PTPRD: variants seen among roughly 807,000 people sequenced by gnomAD.
PTPRD encodes the protein receptor-type tyrosine-protein phosphatase delta.
PTPRD carries 34 observed loss-of-function variants against 214.5 expected under a neutral mutation model. The ratio of observed to expected loss-of-function variants is 0.16; its 90% CI spans 0.12 to 0.21. PTPRD has a LOEUF of 0.21. Among genes scored for constraint, PTPRD ranks in the 10% least tolerant of loss-of-function variants. PTPRD has a pLI of 1.00. For missense variants in PTPRD, 2,545 were observed against 2,398.7 expected (o/e 1.06, Z -1.27); for synonymous variants, 1,128 against 845.7 (o/e 1.33, Z -5.79).
At chr9:8,398,585 G>A (rs1329751498) in intron 36 of PTPRD, among the ~76,000 whole-genome samples, 1 of 152,194 alleles carries the variant, frequency 6.6e-6, no homozygotes, top group Non-Finnish European at 1.5e-5. Flanking sequence ...ACTGAGAGGT[G>A]AGGTCTTAGG....
At chr9:9,237,288 G>A (rs974781493) in intron 9 of PTPRD, among the ~76,000 whole-genome samples, 3 of 151,982 alleles carry the variant, frequency 2.0e-5, no homozygotes, top group Admixed American at 6.6e-5. Flanking sequence ...ACCTTACCTG[G>A]GCATGATGGC....
intron 8 of PTPRD, among the ~76,000 whole-genome samples, chr9:9,550,332 C>T (rs1370909254): frequency 2.0e-5 from 3 of 151,114 alleles, no homozygotes; most frequent in African/African-American, 7.3e-5. Flanking sequence ...TATAATCTCT[C>T]TCCCTCTCTC....
intron 10 of PTPRD, among the ~76,000 whole-genome samples, chr9:9,021,267 A>C (rs952461889): frequency 2.0e-5 from 3 of 152,196 alleles, no homozygotes; most frequent in African/African-American, 7.2e-5. Context: ...TCGTAAGCTT[A>C]TAACAGAGCT....
intron 11 of PTPRD, among the ~76,000 whole-genome samples, chr9:8,929,039 G>C (rs1471116480): frequency 6.6e-6 from 1 of 152,112 alleles, no homozygotes; most frequent in Non-Finnish European, 1.5e-5. Context: ...TGTTGATTTT[G>C]TATCCTGAGA....
At chr9:9,748,451 G>C (rs1408444921) in intron 6 of PTPRD, among the ~76,000 whole-genome samples, 1 of 152,062 alleles carries the variant, frequency 6.6e-6, no homozygotes, top group African/African-American at 2.4e-5. Context: ...TCAAAATAAA[G>C]ACGAAAAAAG....
chr9:10,433,940 A>C (rs578177590), intron 2 of PTPRD, among the ~76,000 whole-genome samples: 1 of 152,052 alleles, frequency 6.6e-6, no homozygotes, highest in African/African-American at 2.4e-5. Flanking sequence ...TTGGTAATGT[A>C]ATAAATCAAT....
intron 2 of PTPRD, among the ~76,000 whole-genome samples, chr9:10,553,605 T>C (rs1214397475): frequency 6.6e-6 from 1 of 152,174 alleles, no homozygotes; most frequent in Non-Finnish European, 1.5e-5. Flanking sequence ...CTGAGTTTCA[T>C]CTGGCTTTAT....
intron 10 of PTPRD, among the ~76,000 whole-genome samples, chr9:9,031,473 T>C (rs2099605248): frequency 6.6e-6 from 1 of 152,038 alleles, no homozygotes; most frequent in Admixed American, 6.6e-5. Context: ...TTGAATACTG[T>C]AGTCAATTGT....
intron 5 of PTPRD, among the ~76,000 whole-genome samples, chr9:9,878,415 A>C (rs1167192419): frequency 6.6e-6 from 1 of 152,158 alleles, no homozygotes; most frequent in Non-Finnish European, 1.5e-5. Flanking sequence ...CAGCATACTG[A>C]GGGGACACCT....
chr9:9,113,540 C>T (rs2154455044), intron 10 of PTPRD, among the ~76,000 whole-genome samples: 1 of 151,952 alleles, frequency 6.6e-6, no homozygotes, highest in East Asian at 1.9e-4. Context: ...TTAAGAGAAA[C>T]AAAACATGGT....
rs546468706 is a variant in PTPRD, at chr9:9,963,360, G to T, written c.-471-24750C>A. ...CCTGTAAGTCCCATTAACAGCAATG[G>T]GAATTCTATGGGCAGAGAGAAAAGA... On this transcript the variant is annotated intron_variant, in intron 4 of 45. Coordinates refer to ENST00000381196, the MANE Select transcript of PTPRD (RefSeq NM_002839.4). 2.4e-4 allele frequency among the ~76,000 whole-genome samples: 37 copies of T among 152,154 alleles called. No individual in the cohort carries two copies. In the South Asian group the frequency reaches 7.5e-3, roughly 31 times the overall value.
chr9:10,302,947 A>G (rs2095912266), intron 3 of PTPRD, among the ~76,000 whole-genome samples: 1 of 152,198 alleles, frequency 6.6e-6, no homozygotes, highest in African/African-American at 2.4e-5. Context: ...CCCCAAATCA[A>G]CAGAATATAC....
Position 10,405,387 on chromosome 9 carries a change from A to G in PTPRD, c.-599-64370T>C, listed in dbSNP as rs1044624843. 2.0e-5 allele frequency among the ~76,000 whole-genome samples: 3 copies of G among 151,842 alleles called. No individual in the cohort carries two copies. In the East Asian group the frequency reaches 5.8e-4, roughly 30 times the overall value. On this transcript the variant is annotated intron_variant, in intron 2 of 45. Coordinates refer to ENST00000381196, the MANE Select transcript of PTPRD (RefSeq NM_002839.4). ...TATTTTCTACAAATCTGTTAACAAG[A>G]AAAGTAAACTTTCTGGTCCTGGAGG...
At chr9:8,628,245 G>A (rs2096116486) in intron 14 of PTPRD, among the ~76,000 whole-genome samples, 1 of 151,790 alleles carries the variant, frequency 6.6e-6, no homozygotes, top group Non-Finnish European at 1.5e-5. Flanking sequence ...AAATGAGACT[G>A]TAATCAACAT....
At chr9:8,353,963 TG>T (rs35632633) in intron 39 of PTPRD, among the ~76,000 whole-genome samples, 4,536 of 51,228 alleles carry the variant, frequency 0.089, 619 homozygotes, top group African/African-American at 0.11. Flanking sequence ...TATATATATA[TG>T]TTTTTTTTTT....
At chr9:8,493,930 C>G (rs2097201046) in intron 26 of PTPRD, among the ~76,000 whole-genome samples, 1 of 151,614 alleles carries the variant, frequency 6.6e-6, no homozygotes, top group African/African-American at 2.4e-5. Flanking sequence ...ATTTTAAGAA[C>G]AAATACCAGA....
chr9:8,993,830 C>A lies in PTPRD; in HGVS notation c.-104+24867G>T, dbSNP rs139639970. On this transcript the variant is annotated intron_variant, in intron 11 of 45. Coordinates refer to ENST00000381196, the MANE Select transcript of PTPRD (RefSeq NM_002839.4). ...CACCTGTTATTACACACTGGGGGAC[C>A]CGAAGAGTTATACAACAGCTCATTT... 4.2e-3 allele frequency among the ~76,000 whole-genome samples: 639 copies of A among 152,006 alleles called. 2 individuals carry two copies. The highest frequency in any genetic ancestry group is 0.014 in the African/African-American group (584 of 41,490).
At chr9:8,867,118 G>A (rs1239486660) in intron 11 of PTPRD, among the ~76,000 whole-genome samples, 1 of 152,116 alleles carries the variant, frequency 6.6e-6, no homozygotes, top group Non-Finnish European at 1.5e-5. Flanking sequence ...TCTGAGTTAA[G>A]ACCAATATGA....
At chr9:8,472,359 A>G (rs2096669619) in intron 30 of PTPRD, among the ~76,000 whole-genome samples, 1 of 152,214 alleles carries the variant, frequency 6.6e-6, no homozygotes, top group South Asian at 2.1e-4. Flanking sequence ...GGACACTCCC[A>G]ACCCTGTGTC....
Sources: allele counts gnomAD v4.1 joint callset (sites outside exome capture counted in the v4.1 genomes callset), GRCh38; gene constraint gnomAD v4.1.1; transcripts MANE v1.5; gene names NCBI Gene and HGNC (gene_info 2026-07-23, HGNC 2026-07-21).